FRK: variants seen among roughly 807,000 people sequenced by gnomAD.
FRK encodes tyrosine-protein kinase FRK.
A neutral mutation model predicts 56.4 loss-of-function variants in FRK; 51 were observed. That is an observed-to-expected ratio of 0.90 (90% CI 0.72 to 1.14). The LOEUF (loss-of-function observed/expected upper bound fraction) is 1.14. FRK is among the 50% of genes most tolerant of loss of function. The pLI, the probability that FRK is intolerant of heterozygous loss-of-function variation, is 0.00. For missense variants in FRK, 570 were observed against 601.4 expected, an observed-to-expected ratio of 0.95 and a Z score of 0.55; for synonymous variants, 245 against 217.9, an observed-to-expected ratio of 1.12 and a Z score of -1.10.
chr6:115,950,847 GA>G (rs1562251934), intron 5 of FRK, among the ~76,000 whole-genome samples: 1 of 152,164 alleles, frequency 6.6e-6, no homozygotes, highest in African/African-American at 2.4e-5. Context: ...CCATAAAAAG[GA>G]ATGAGTTCAT....
chr6:116,033,723 G>C (rs1169173740), intron 1 of FRK, among the ~76,000 whole-genome samples: 12 of 152,136 alleles, frequency 7.9e-5, no homozygotes, highest in Admixed American at 7.2e-4. Flanking sequence ...CTAAGTCAGA[G>C]AGAAAACTGC....
At chr6:115,956,658 TA>T in intron 4 of FRK, 48 bp from the exon 5 acceptor site, 1 of 1,376,826 alleles carries the variant, frequency 7.3e-7, no homozygotes, top group South Asian at 1.8e-5. Flanking sequence ...GAGGCATTCC[TA>T]TCCTCACAGC....
chr6:116,001,895 G>A (rs895772949), intron 2 of FRK, among the ~76,000 whole-genome samples: 4 of 152,044 alleles, frequency 2.6e-5, no homozygotes, highest in Admixed American at 1.3e-4. Flanking sequence ...ACAAGCTAAT[G>A]TTTGATGCAG....
chr6:115,952,640 C>T (rs1435140433), intron 5 of FRK, among the ~76,000 whole-genome samples: 4 of 151,248 alleles, frequency 2.6e-5, no homozygotes, highest in African/African-American at 4.9e-5. Context: ...TATTGCGGCA[C>T]TATTCACAAT....
intron 2 of FRK, among the ~76,000 whole-genome samples, chr6:115,998,842 C>A (rs1774940465): frequency 6.6e-6 from 1 of 152,114 alleles, no homozygotes; most frequent in Non-Finnish European, 1.5e-5. Context: ...AGCTCTTTTG[C>A]CTTATGGCCT....
At chr6:116,059,623 T>A (rs1361273115) in intron 1 of FRK, among the ~76,000 whole-genome samples, 1 of 152,192 alleles carries the variant, frequency 6.6e-6, no homozygotes, top group Non-Finnish European at 1.5e-5. Context: ...GTCTTATAAT[T>A]TACCTTCAAA....
chr6:115,972,376 G>C (rs1773837523), intron 2 of FRK, among the ~76,000 whole-genome samples: 1 of 152,202 alleles, frequency 6.6e-6, no homozygotes. Flanking sequence ...TTCTCAACCT[G>C]AGTCAGGCAC....
At chr6:115,968,391 A>C (rs1352916274) in intron 3 of FRK, among the ~76,000 whole-genome samples, 185 bp downstream of exon 3, 1 of 152,180 alleles carries the variant, frequency 6.6e-6, no homozygotes, top group East Asian at 1.9e-4. Flanking sequence ...ATCTGTGCAA[A>C]TAAAACTTAT....
chr6:115,994,331 C>CA (rs948087432), intron 2 of FRK, among the ~76,000 whole-genome samples: 4 of 106,576 alleles, frequency 3.8e-5, no homozygotes, highest in African/African-American at 9.6e-5. Flanking sequence ...ACCTCCCCCC[C>CA]CCCCGCCTTT....
chr6:115,944,387 C>T lies in FRK; in HGVS notation c.997G>A (p.Asp333Asn), dbSNP rs773653298. 3 of 1,611,364 alleles carry T rather than the reference C, an allele frequency of 1.9e-6. No individual in the cohort carries two copies. Among genetic ancestry groups the T allele is most frequent in the Non-Finnish European group, 2.5e-6 (3 of 1,179,266 alleles). ...GSKIHLTQQV[D>N]MAAQVASGMA... ...CCAGAGGCAACCTGTGCCGCCATGT[C>T]TACCTGTTGAGTCAGATGGATTTTT... Residue 333 changes from aspartate (D) to asparagine (N), a missense_variant, in exon 6 of 8, where the codon GAC (aspartate) becomes AAC (asparagine). Transcript: ENST00000606080.
the FRK span, among the ~76,000 whole-genome samples, chr6:116,078,771 T>C: frequency 6.6e-6 from 1 of 152,190 alleles, no homozygotes; most frequent in Non-Finnish European, 1.5e-5. Flanking sequence ...TGCCAAACAC[T>C]TTCCTGACTT....
intron 1 of FRK, among the ~76,000 whole-genome samples, chr6:116,043,120 T>A (rs1776793496): frequency 6.6e-6 from 1 of 152,202 alleles, no homozygotes; most frequent in African/African-American, 2.4e-5. Context: ...AGACTTAGAC[T>A]CTCACACAAT....
chr6:116,084,019 T>C, the FRK span, among the ~76,000 whole-genome samples: 1 of 152,182 alleles, frequency 6.6e-6, no homozygotes, highest in South Asian at 2.1e-4. Flanking sequence ...TCGGTCAATA[T>C]CTGAGAGTGA....
chr6:115,952,227 C>T (rs970978261), intron 5 of FRK, among the ~76,000 whole-genome samples: 1 of 152,122 alleles, frequency 6.6e-6, no homozygotes, highest in Non-Finnish European at 1.5e-5. Context: ...GTTGCCATTG[C>T]TTTTGGTGTT....
chr6:115,978,945 C>T (rs186392048), intron 2 of FRK, among the ~76,000 whole-genome samples: 51 of 151,436 alleles, frequency 3.4e-4, no homozygotes, highest in African/African-American at 1.1e-3. Context: ...CCCAGCTACT[C>T]GGGAGGATGA....
intron 4 of FRK, among the ~76,000 whole-genome samples, 182 bp downstream of exon 4, chr6:115,967,369 G>C (rs1289134540): frequency 6.6e-6 from 1 of 152,134 alleles, no homozygotes; most frequent in Non-Finnish European, 1.5e-5. Context: ...ACCAGGAAGT[G>C]TGTTCTTGTT....
chr6:115,942,110 C>T lies in FRK; in HGVS notation c.*304G>A, dbSNP rs907440111. The stretch of plus-strand genomic sequence containing the variant: ...AATTGGACTATCATCTGTTGATTCT[C>T]TTGATCGACATTTCAAACAATAAAT... On this transcript the variant is annotated 3_prime_UTR_variant, in exon 8 of 8. Coordinates refer to ENST00000606080, the MANE Select transcript of FRK (RefSeq NM_002031.3). 4 of 268,708 alleles carry T rather than the reference C, an allele frequency of 1.5e-5. No homozygotes were observed. In the South Asian group the frequency reaches 1.6e-4, roughly 11 times the overall value. 16.6% of individuals were successfully genotyped at this position (268,708 alleles called of 1,614,324 possible).
the FRK span, among the ~76,000 whole-genome samples, chr6:116,092,859 T>C: frequency 6.6e-6 from 1 of 152,196 alleles, no homozygotes; most frequent in Non-Finnish European, 1.5e-5. Flanking sequence ...AGGCTCATCC[T>C]TGAAATGCAT....
chr6:115,997,895 C>T (rs1046842208), intron 2 of FRK, among the ~76,000 whole-genome samples: 1 of 152,178 alleles, frequency 6.6e-6, no homozygotes, highest in African/African-American at 2.4e-5. Flanking sequence ...AAGTGATTTC[C>T]TCTTCTGAGC....
Sources: allele counts gnomAD v4.1 joint callset (sites outside exome capture counted in the v4.1 genomes callset), GRCh38; gene constraint gnomAD v4.1.1; transcripts MANE v1.5; gene names NCBI Gene and HGNC (gene_info 2026-07-23, HGNC 2026-07-21).